EIF4E3: variants seen among roughly 807,000 people sequenced by gnomAD.
EIF4E3 encodes the protein eukaryotic translation initiation factor 4E type 3.
EIF4E3 carries 26 observed loss-of-function variants against 31.7 expected under a neutral mutation model. That is an observed-to-expected ratio of 0.82 (90% CI 0.60 to 1.14). The LOEUF (loss-of-function observed/expected upper bound fraction) is 1.14. Ranked by LOEUF, EIF4E3 falls within the 50% of genes most tolerant of loss-of-function variation. The pLI is 0.00. For missense variants in EIF4E3, 304 were observed against 270.9 expected, an observed-to-expected ratio of 1.12 and a Z score of -0.86; for synonymous variants, 128 against 107.7, an observed-to-expected ratio of 1.19 and a Z score of -1.17.
intron 1 of EIF4E3, among the ~76,000 whole-genome samples, chr3:71,741,382 C>T (rs2049819573): frequency 6.6e-6 from 1 of 152,124 alleles, no homozygotes; most frequent in African/African-American, 2.4e-5. Flanking sequence ...ATTTATATCA[C>T]ACTAAGTAAA....
chr3:71,733,949 C>T (rs991514500), intron 1 of EIF4E3, among the ~76,000 whole-genome samples: 1 of 152,184 alleles, frequency 6.6e-6, no homozygotes, highest in Non-Finnish European at 1.5e-5. Context: ...CATTCAGAAA[C>T]AGAAGGACAC....
intron 2 of EIF4E3, among the ~76,000 whole-genome samples, chr3:71,703,811 CAAAA>C (rs370789059): frequency 1.3e-3 from 95 of 72,432 alleles, no homozygotes; most frequent in African/African-American, 4.0e-3. Flanking sequence ...AAACACACAT[CAAAA>C]AAAAAAAAAA....
chr3:71,720,441 C>A (rs752907659), intron 1 of EIF4E3, among the ~76,000 whole-genome samples: 15 of 152,048 alleles, frequency 9.9e-5, no homozygotes, highest in Non-Finnish European at 1.6e-4. Context: ...GAGATCCTCC[C>A]TCCTCAGCCT....
intron 2 of EIF4E3, among the ~76,000 whole-genome samples, chr3:71,704,455 G>A (rs1286417161): frequency 6.6e-6 from 1 of 152,238 alleles, no homozygotes; most frequent in Non-Finnish European, 1.5e-5. Context: ...CAGCTGTGAA[G>A]GCAGGAGGGG....
chr3:71,718,402 T>A (rs1350157312), intron 1 of EIF4E3, among the ~76,000 whole-genome samples: 9 of 152,220 alleles, frequency 5.9e-5, no homozygotes, highest in Non-Finnish European at 1.3e-4. Flanking sequence ...GCATGTTTAT[T>A]TGATTTTGAT....
At chr3:71,727,390 G>A (rs2049653052), upstream of EIF4E3, among the ~76,000 whole-genome samples, 1 of 152,114 alleles carries the variant, frequency 6.6e-6, no homozygotes, top group African/African-American at 2.4e-5. Flanking sequence ...TTATATCCTT[G>A]AAGATTTTTC....
the EIF4E3 span, among the ~76,000 whole-genome samples, chr3:71,665,026 T>C: frequency 6.6e-6 from 1 of 152,204 alleles, no homozygotes; most frequent in Non-Finnish European, 1.5e-5. Flanking sequence ...TCAGACATAA[T>C]TTTATTTTTT....
At chr3:71,696,885 T>G (rs1308850879) in intron 3 of EIF4E3, among the ~76,000 whole-genome samples, 1 of 151,238 alleles carries the variant, frequency 6.6e-6, no homozygotes, top group Non-Finnish European at 1.5e-5. Flanking sequence ...CCAGCTAAAT[T>G]TTTTTTGTAT....
At chr3:71,673,837 C>A (rs2048858250), downstream of EIF4E3, among the ~76,000 whole-genome samples, 1 of 150,416 alleles carries the variant, frequency 6.6e-6, no homozygotes, top group African/African-American at 2.4e-5. Flanking sequence ...TGTATATGGT[C>A]TATATCTCAG....
chr3:71,664,566 T>TGAGA, the EIF4E3 span, among the ~76,000 whole-genome samples: 5 of 151,084 alleles, frequency 3.3e-5, no homozygotes, highest in South Asian at 6.3e-4. Flanking sequence ...CTGGGACTGT[T>TGAGA]GAGAGAGAGA....
chr3:71,661,244 G>A, the EIF4E3 span, among the ~76,000 whole-genome samples: 1 of 152,096 alleles, frequency 6.6e-6, no homozygotes, highest in Middle Eastern at 3.4e-3. Context: ...GGGGGCGGGG[G>A]CGGCAGTTTC....
rs11403409 is a variant in EIF4E3 at position 71,712,852 on chromosome 3, C to CAAAAAA, written c.177-2374_177-2369dup. The stretch of plus-strand genomic sequence containing the variant: ...GAGGATAATACCATTTAACCTAGAC[C>CAAAAAA]AAAAAAAAAAAAAAAAAAAGCACTG... On this transcript the variant is annotated intron_variant, in intron 1 of 6. Coordinates refer to ENST00000425534, the MANE Select transcript of EIF4E3 (RefSeq NM_001134651.2). 5.8e-5 allele frequency among the ~76,000 whole-genome samples: 7 copies of CAAAAAA among 121,230 alleles called. 1 individual carries two copies. Among genetic ancestry groups the CAAAAAA allele is most frequent in the East Asian group, 2.5e-4 (1 of 3,954 alleles). 79.5% of individuals were successfully genotyped at this position (121,230 alleles called of 152,430 possible). A position where few individuals can be genotyped will look rare whatever the true frequency, so the allele number is the denominator to read the frequency against.
intron 1 of EIF4E3, among the ~76,000 whole-genome samples, chr3:71,738,247 C>G (rs1476795645): frequency 2.6e-5 from 4 of 152,152 alleles, no homozygotes; most frequent in African/African-American, 9.7e-5. Flanking sequence ...AGAAAACTAA[C>G]TATGCCAGCC....
chr3:71,704,233 C>G (rs1047933003), intron 2 of EIF4E3, among the ~76,000 whole-genome samples: 2 of 152,150 alleles, frequency 1.3e-5, no homozygotes, highest in African/African-American at 4.8e-5. Flanking sequence ...TAGTAAAAAC[C>G]AACTCTGAGT....
chr3:71,700,388 A>C (rs531435584), intron 2 of EIF4E3, among the ~76,000 whole-genome samples: 1 of 152,250 alleles, frequency 6.6e-6, no homozygotes, highest in Non-Finnish European at 1.5e-5. Context: ...TGTACTGAAC[A>C]TATTTATAAC....
chr3:71,673,708 A>G (rs552320572), downstream of EIF4E3, among the ~76,000 whole-genome samples: 3 of 152,064 alleles, frequency 2.0e-5, no homozygotes, highest in East Asian at 5.8e-4. Context: ...AATATTTACC[A>G]ATCCACTAAA....
At chr3:71,730,733 TG>T (rs1234794979) in intron 1 of EIF4E3, among the ~76,000 whole-genome samples, 7 of 141,070 alleles carry the variant, frequency 5.0e-5, no homozygotes, top group Non-Finnish European at 7.4e-5. Flanking sequence ...CTATTATTAT[TG>T]TTGTTGTTTT....
At chr3:71,747,390 A>G (rs977989365) in intron 1 of EIF4E3, among the ~76,000 whole-genome samples, 1 of 152,248 alleles carries the variant, frequency 6.6e-6, no homozygotes, top group African/African-American at 2.4e-5. Context: ...GATGCAAAGT[A>G]TCTTTCCATG....
At chr3:71,687,079 C>T (rs2049002144) in intron 6 of EIF4E3, among the ~76,000 whole-genome samples, 1 of 152,334 alleles carries the variant, frequency 6.6e-6, no homozygotes, top group Non-Finnish European at 1.5e-5. Flanking sequence ...TGGCTCACTG[C>T]AACCTTCACC....
Sources: allele counts gnomAD v4.1 joint callset (sites outside exome capture counted in the v4.1 genomes callset), GRCh38; gene constraint gnomAD v4.1.1; transcripts MANE v1.5; gene names NCBI Gene and HGNC (gene_info 2026-07-23, HGNC 2026-07-21).